The following HDAC9 variants were observed in gnomAD, a reference collection of about 807,000 sequenced individuals.
The protein encoded by HDAC9 is MEF-2 interacting transcription repressor (MITR) protein.
Under a neutral mutation model 139.4 loss-of-function variants are expected in HDAC9, and 41 were observed. The observed-to-expected ratio is 0.29, with a 90% CI of 0.23 to 0.38. The LOEUF is 0.38. Ranked by LOEUF, HDAC9 falls within the 10% of genes least tolerant of loss-of-function variation. The probability of loss-of-function intolerance (pLI) is 1.00; values close to 1 mark genes in which losing one functional copy is unlikely to be tolerated. For synonymous variants in HDAC9, 517 were observed against 476.2 expected (o/e 1.09, Z -1.12); for missense variants, 1,147 against 1,297.0 (o/e 0.88, Z 1.78).
chr7:18,525,521 T>A (rs912298398), intron 2 of HDAC9, among the ~76,000 whole-genome samples: 1 of 152,182 alleles, frequency 6.6e-6, no homozygotes, highest in Non-Finnish European at 1.5e-5. Context: ...ATAATTCCTA[T>A]GGATGTTAAT....
chr7:18,793,962 T>G (rs977759680), intron 17 of HDAC9, among the ~76,000 whole-genome samples: 1 of 152,204 alleles, frequency 6.6e-6, no homozygotes, highest in African/African-American at 2.4e-5. Context: ...ACTTAAAAAA[T>G]GAGCTATGCT....
rs1437454432 is a variant in HDAC9, at chr7:18,799,602, C to A, written c.2322+6150C>A. Among the ~76,000 whole-genome samples, 3 of 151,958 alleles carry A rather than the reference C, an allele frequency of 2.0e-5. No homozygotes were observed. In the East Asian group the frequency reaches 5.8e-4, roughly 29 times the overall value. ...ACAGACATTGTTAAAATAAAAGAAC[C>A]AAGGAAAATTCTGGATTTGAAAAAC... On this transcript the variant is annotated intron_variant, in intron 17 of 25. Coordinates refer to ENST00000686413, the MANE Select transcript of HDAC9 (RefSeq NM_178425.4).
At chr7:18,703,669 A>G (rs1783673953) in intron 12 of HDAC9, among the ~76,000 whole-genome samples, 1 of 152,156 alleles carries the variant, frequency 6.6e-6, no homozygotes. Flanking sequence ...AAGAGTTAGA[A>G]AACAATGAAG....
At chr7:18,913,870 G>A (rs750872652) in intron 22 of HDAC9, among the ~76,000 whole-genome samples, 2 of 151,958 alleles carry the variant, frequency 1.3e-5, no homozygotes, top group Non-Finnish European at 2.9e-5. Flanking sequence ...AAGACAATTA[G>A]TAATTTGCAG....
chr7:18,348,662 A>G (rs1782608725), intron 1 of HDAC9, among the ~76,000 whole-genome samples: 1 of 152,172 alleles, frequency 6.6e-6, no homozygotes, highest in African/African-American at 2.4e-5. Flanking sequence ...GAGGTAAAGA[A>G]TCCTTTAACA....
At position 18,987,662 on chromosome 7, in the gene HDAC9, C is replaced by T. The variant is rs1167405900; in HGVS notation, c.3171-8361C>T. On this transcript the variant is annotated intron_variant, in intron 25 of 25. Coordinates refer to ENST00000686413, the MANE Select transcript of HDAC9 (RefSeq NM_178425.4). ...GAATGGTACCAGTTCCTCCTTGTAC[C>T]TCTGGTAGAATTCGGCTGTGAATCC... 1.8e-4 allele frequency among the ~76,000 whole-genome samples: 28 copies of T among 152,162 alleles called. No individual in the cohort carries two copies. The South Asian group carries it at 5.8e-3, about 32-fold the overall frequency.
intron 2 of HDAC9, among the ~76,000 whole-genome samples, chr7:18,518,937 A>G (rs1340834430): frequency 6.6e-6 from 1 of 152,178 alleles, no homozygotes; most frequent in Non-Finnish European, 1.5e-5. Flanking sequence ...AAGCTGTGGG[A>G]TGTGTCGTTT....
chr7:18,268,590 A>T (rs185889307), intron 2 of HDAC9, among the ~76,000 whole-genome samples: 1 of 152,158 alleles, frequency 6.6e-6, no homozygotes, highest in Non-Finnish European at 1.5e-5. Context: ...AGAGAAAAAG[A>T]AACTATTGGA....
At chr7:18,650,218 G>C (rs1788810772) in intron 11 of HDAC9, among the ~76,000 whole-genome samples, 1 of 152,072 alleles carries the variant, frequency 6.6e-6, no homozygotes. Flanking sequence ...ATTGTCCACT[G>C]TTTAGTGCAA....
intron 1 of HDAC9, among the ~76,000 whole-genome samples, chr7:18,147,908 CAT>C (rs1157324080): frequency 6.6e-6 from 1 of 151,970 alleles, no homozygotes. Flanking sequence ...TCCATTTTGA[CAT>C]ATATAGCTCT....
At chr7:18,335,752 C>A (rs1283173186) in intron 1 of HDAC9, among the ~76,000 whole-genome samples, 1 of 151,486 alleles carries the variant, frequency 6.6e-6, no homozygotes. Context: ...ATTAGCCCTG[C>A]TATACCTGGG....
At chr7:18,521,991 A>G (rs1805206392) in intron 2 of HDAC9, among the ~76,000 whole-genome samples, 3 of 152,290 alleles carry the variant, frequency 2.0e-5, no homozygotes, top group East Asian at 1.9e-4. Context: ...GTCTTCTGTT[A>G]TCATTCTTGA....
At position 18,091,746 on chromosome 7, in the gene HDAC9, A is replaced by T. The variant is rs545451955; in HGVS notation, c.-97+4533A>T. Among the ~76,000 whole-genome samples, 3 of 152,342 alleles carry T rather than the reference A, an allele frequency of 2.0e-5. No individual in the cohort carries two copies. In the East Asian group the frequency reaches 5.8e-4, roughly 29 times the overall value. ...GGGCTGCAATCCCAACAGAAGATCA[A>T]TAGGAAAAGATCCACTTTCAAGCTC... On this transcript the variant is annotated intron_variant, in intron 1 of 12. Transcript: ENST00000417496.
chr7:18,404,551 G>C (rs1787836904), intron 1 of HDAC9, among the ~76,000 whole-genome samples: 2 of 152,096 alleles, frequency 1.3e-5, no homozygotes, highest in Admixed American at 6.5e-5. Flanking sequence ...ATGTTGAATT[G>C]ATTTTACTTC....
rs527572706 is a variant in HDAC9 at position 18,508,197 on chromosome 7, G to A, written c.22+11873G>A. 9.8e-4 allele frequency among the ~76,000 whole-genome samples: 150 copies of A among 152,332 alleles called. 1 individual carries two copies. Among genetic ancestry groups the A allele is most frequent in the Non-Finnish European group, 1.5e-3 (100 of 68,034 alleles). On this transcript the variant is annotated intron_variant, in intron 2 of 25. Coordinates refer to ENST00000686413, the MANE Select transcript of HDAC9 (RefSeq NM_178425.4). The stretch of plus-strand genomic sequence containing the variant: ...TATTAAGGTGAAATAAGAGAATGGG[G>A]TAGAAAGTGACTGATAGGGCAGTAT...
intron 1 of HDAC9, among the ~76,000 whole-genome samples, chr7:18,155,018 C>A (rs1309944886): frequency 6.6e-6 from 1 of 151,932 alleles, no homozygotes; most frequent in Non-Finnish European, 1.5e-5. Flanking sequence ...ACTTCCTTTT[C>A]ACAATTCTAT....
intron 16 of HDAC9, among the ~76,000 whole-genome samples, chr7:18,784,340 G>A (rs1462813231): frequency 1.3e-5 from 2 of 151,836 alleles, no homozygotes; most frequent in Non-Finnish European, 2.9e-5. Context: ...AGCTTTCTGA[G>A]TAGCTGGGTC....
chr7:18,616,651 G>C (rs917934114), intron 6 of HDAC9, among the ~76,000 whole-genome samples: 3 of 152,192 alleles, frequency 2.0e-5, no homozygotes, highest in African/African-American at 7.2e-5. Flanking sequence ...GTTGTCTAAA[G>C]GTTATAAAAT....
chr7:18,496,165 G>T (rs1218941019), intron 1 of HDAC9, 97 bp from the exon 2 acceptor site: 4 of 1,447,462 alleles, frequency 2.8e-6, no homozygotes, highest in Non-Finnish European at 2.9e-6. Flanking sequence ...CCTGGGGCCG[G>T]TGCACTGAGC....
Sources: gnomAD v4.1 joint callset for allele counts (sites outside exome capture counted in the v4.1 genomes callset) on GRCh38, gnomAD v4.1.1 for gene constraint, MANE v1.5 for transcripts, NCBI Gene and HGNC (gene_info 2026-07-23, HGNC 2026-07-21) for gene names.